The following HDAC9 variants were observed in gnomAD, a reference collection of about 807,000 sequenced individuals.
HDAC9 encodes the protein MEF-2 interacting transcription repressor (MITR) protein.
In HDAC9, 41 loss-of-function variants were observed where a neutral mutation model predicts 139.4. The observed-to-expected ratio is 0.29, with a 90% CI of 0.23 to 0.38. The LOEUF (loss-of-function observed/expected upper bound fraction) is 0.38. Ranked by LOEUF, HDAC9 falls within the 10% of genes least tolerant of loss-of-function variation. HDAC9 has a pLI of 1.00. For synonymous variants in HDAC9, 517 were observed against 476.2 expected (o/e 1.09, Z -1.12); for missense variants, 1,147 against 1,297.0 (o/e 0.88, Z 1.78).
chr7:18,253,606 C>CCACAATCTTGAT (rs1795062498), intron 2 of HDAC9, among the ~76,000 whole-genome samples: 1 of 152,060 alleles, frequency 6.6e-6, no homozygotes, highest in Non-Finnish European at 1.5e-5. Flanking sequence ...AACTGACAAA[C>CCACAATCTTGAT]CACAATCTTG....
intron 5 of HDAC9, among the ~76,000 whole-genome samples, chr7:18,592,179 A>C (rs909496740): frequency 3.0e-4 from 46 of 152,074 alleles, no homozygotes; most frequent in Middle Eastern, 3.2e-3. Flanking sequence ...GAGGGTAGGG[A>C]AGGGAAGTTG....
chr7:18,353,188 A>C (rs1415087323), intron 1 of HDAC9, among the ~76,000 whole-genome samples: 1 of 152,126 alleles, frequency 6.6e-6, no homozygotes, highest in Non-Finnish European at 1.5e-5. Flanking sequence ...CTTCAGCACT[A>C]TCTAGCTATT....
At chr7:18,575,762 G>T (rs1019991633) in intron 2 of HDAC9, among the ~76,000 whole-genome samples, 6 of 152,236 alleles carry the variant, frequency 3.9e-5, no homozygotes, top group African/African-American at 1.4e-4. Context: ...AATCGGGTAT[G>T]TGTGTATGTG....
intron 2 of HDAC9, among the ~76,000 whole-genome samples, chr7:18,209,291 C>T (rs552569106): frequency 2.9e-4 from 44 of 152,306 alleles, no homozygotes; most frequent in African/African-American, 9.1e-4. Flanking sequence ...GAGGTAAATA[C>T]TTTATGGTCC....
chr7:18,513,515 A>G (rs897208878), intron 2 of HDAC9, among the ~76,000 whole-genome samples: 15 of 152,226 alleles, frequency 9.9e-5, no homozygotes, highest in African/African-American at 2.7e-4. Context: ...GAGCCCAGCC[A>G]TGCAAAGATC....
intron 7 of HDAC9, among the ~76,000 whole-genome samples, chr7:18,632,233 G>A (rs1254585431): frequency 6.6e-6 from 1 of 151,858 alleles, no homozygotes; most frequent in Non-Finnish European, 1.5e-5. Flanking sequence ...ATATAAACCA[G>A]ATATATAGAC....
chr7:18,726,541 T>A (rs1562886093), intron 12 of HDAC9, among the ~76,000 whole-genome samples: 2 of 152,284 alleles, frequency 1.3e-5, no homozygotes, highest in Middle Eastern at 3.4e-3. Flanking sequence ...TCTTTATCCA[T>A]GGCAAGAGAG....
intron 14 of HDAC9, among the ~76,000 whole-genome samples, chr7:18,761,198 C>T (rs1370742963): frequency 1.3e-5 from 2 of 152,216 alleles, no homozygotes; most frequent in African/African-American, 4.8e-5. Flanking sequence ...ATTTATCAGG[C>T]TCACAGATGT....
At chr7:18,554,493 G>A (rs1818181831) in intron 2 of HDAC9, among the ~76,000 whole-genome samples, 2 of 151,860 alleles carry the variant, frequency 1.3e-5, no homozygotes, top group African/African-American at 2.4e-5. Flanking sequence ...CCGCCACCAC[G>A]CCCGGCTAAT....
intron 2 of HDAC9, among the ~76,000 whole-genome samples, chr7:18,273,011 TTCCTCC>T (rs1218579083): frequency 2.0e-5 from 3 of 147,822 alleles, no homozygotes; most frequent in African/African-American, 5.0e-5. Flanking sequence ...CTTCTTCTTC[TTCCTCC>T]TCCTCCTCCT....
chr7:18,980,365 C>T (rs995467924), intron 25 of HDAC9, among the ~76,000 whole-genome samples: 7 of 152,168 alleles, frequency 4.6e-5, no homozygotes, highest in African/African-American at 1.7e-4. Context: ...TTCTTCACTC[C>T]TTCAATCCTA....
intron 1 of HDAC9, among the ~76,000 whole-genome samples, chr7:18,351,134 A>G (rs929447001): frequency 1.3e-5 from 2 of 152,154 alleles, no homozygotes; most frequent in Non-Finnish European, 2.9e-5. Flanking sequence ...TTATTGCGTT[A>G]AACATAATCA....
chr7:18,615,715 A>G (rs1486283560), intron 6 of HDAC9, among the ~76,000 whole-genome samples: 1 of 152,182 alleles, frequency 6.6e-6, no homozygotes, highest in Non-Finnish European at 1.5e-5. Flanking sequence ...AAAATAATGC[A>G]TTAAAAATAC....
chr7:18,460,213 T>C (rs1337254274), intron 1 of HDAC9, among the ~76,000 whole-genome samples: 1 of 152,100 alleles, frequency 6.6e-6, no homozygotes, highest in Non-Finnish European at 1.5e-5. Flanking sequence ...ATCATAGTTG[T>C]TCATGAGTAG....
chr7:18,159,849 G>C (rs1375537359), intron 1 of HDAC9, among the ~76,000 whole-genome samples: 1 of 152,112 alleles, frequency 6.6e-6, no homozygotes, highest in Non-Finnish European at 1.5e-5. Context: ...GTCATGTGGA[G>C]GCAGTTATTA....
chr7:18,525,961 A>G (rs1489110535), intron 2 of HDAC9, among the ~76,000 whole-genome samples: 2 of 152,186 alleles, frequency 1.3e-5, no homozygotes, highest in Non-Finnish European at 2.9e-5. Context: ...ACCACCAAAG[A>G]CATAATGTCT....
intron 12 of HDAC9, among the ~76,000 whole-genome samples, chr7:18,716,377 CA>C (rs894651589): frequency 6.6e-6 from 1 of 152,114 alleles, no homozygotes; most frequent in Non-Finnish European, 1.5e-5. Context: ...TTTTCTATTG[CA>C]AAAGACATTA....
At chr7:18,443,802 G>GTGTA (rs1792017935) in intron 1 of HDAC9, among the ~76,000 whole-genome samples, 1 of 151,328 alleles carries the variant, frequency 6.6e-6, no homozygotes, top group African/African-American at 2.4e-5. Context: ...CTGTGTGTGT[G>GTGTA]TGTATATATA....
At chr7:18,781,943 T>A (rs1791274314) in intron 16 of HDAC9, among the ~76,000 whole-genome samples, 1 of 152,124 alleles carries the variant, frequency 6.6e-6, no homozygotes, top group Non-Finnish European at 1.5e-5. Flanking sequence ...AAAGTTAAAA[T>A]GATTTTTATT....
Sources: allele counts gnomAD v4.1 joint callset (sites outside exome capture counted in the v4.1 genomes callset), GRCh38; gene constraint gnomAD v4.1.1; transcripts MANE v1.5; gene names NCBI Gene and HGNC (gene_info 2026-07-23, HGNC 2026-07-21).